BCKDHB: variants seen among roughly 807,000 people sequenced by gnomAD.
The protein encoded by BCKDHB is branched chain keto acid dehydrogenase E1 subunit beta.
BCKDHB carries 41 observed loss-of-function variants against 48.5 expected under a neutral mutation model. The ratio of observed to expected loss-of-function variants is 0.85; its 90% confidence interval spans 0.66 to 1.10. BCKDHB has a LOEUF of 1.10. BCKDHB is among the 50% of genes least tolerant of loss of function. The probability of loss-of-function intolerance (pLI) is 0.00; values close to 1 mark genes in which losing one functional copy is unlikely to be tolerated. For missense variants in BCKDHB, 496 were observed against 494.2 expected, an observed-to-expected ratio of 1.00 and a Z score of -0.03; for synonymous variants, 201 against 174.8, an observed-to-expected ratio of 1.15 and a Z score of -1.18.
intron 3 of BCKDHB, among the ~76,000 whole-genome samples, chr6:80,134,671 G>T (rs1185483739): frequency 6.6e-6 from 1 of 151,858 alleles, no homozygotes; most frequent in Non-Finnish European, 1.5e-5. Flanking sequence ...ATAGCATTTT[G>T]GAACCATGGG....
In BCKDHB at chr6:80,169,028, A is replaced by C. The variant is rs1166850842; in HGVS notation, c.631A>C (p.Lys211Gln). 1 of 1,613,754 alleles carries C rather than the reference A, an allele frequency of 6.2e-7. No individual in the cohort carries two copies. The highest frequency in any genetic ancestry group is 8.5e-7 in the Non-Finnish European group (1 of 1,179,776). The change falls in exon 5 of 10, where the codon AAG (lysine) becomes CAG (glutamine). Residue 211 changes from lysine (K) to glutamine (Q), a missense_variant and splice_region_variant. By Grantham distance (53) the Lys-to-Gln change is moderately conservative. Transcript: ENST00000320393. ...EAFFAHCPGI[K>Q]VVIPRSPFQA... ...ATTTTTTGCCCATTGCCCAGGAATC[A>C]AGGTATGTTCATTTATGTACTTTAT... is the stretch of plus-strand genomic sequence containing the variant.
At chr6:80,454,931 T>C in the BCKDHB span, among the ~76,000 whole-genome samples, 1 of 152,350 alleles carries the variant, frequency 6.6e-6, no homozygotes, top group African/African-American at 2.4e-5. Flanking sequence ...AACACACTAT[T>C]CTGATTCTAA....
At chr6:80,427,787 T>C in the BCKDHB span, among the ~76,000 whole-genome samples, 1 of 152,212 alleles carries the variant, frequency 6.6e-6, no homozygotes, top group Non-Finnish European at 1.5e-5. Flanking sequence ...TACCACTGTG[T>C]TCTGCTTGCC....
chr6:80,239,765 G>T (rs1776302166), intron 8 of BCKDHB, among the ~76,000 whole-genome samples: 1 of 152,100 alleles, frequency 6.6e-6, no homozygotes, highest in African/African-American at 2.4e-5. Flanking sequence ...AATTCCTCTT[G>T]AATTAATTTT....
At chr6:80,368,730 C>T in the BCKDHB span, among the ~76,000 whole-genome samples, 1 of 151,892 alleles carries the variant, frequency 6.6e-6, no homozygotes, top group Non-Finnish European at 1.5e-5. Context: ...AAAATCCAGC[C>T]CTGGGCATGG....
the BCKDHB span, among the ~76,000 whole-genome samples, chr6:80,357,640 G>A: frequency 2.0e-5 from 3 of 152,220 alleles, no homozygotes; most frequent in Non-Finnish European, 4.4e-5. Context: ...TGAAGCTGCT[G>A]AAAAGTGCAG....
At chr6:80,360,800 G>T in the BCKDHB span, among the ~76,000 whole-genome samples, 1 of 151,978 alleles carries the variant, frequency 6.6e-6, no homozygotes. Context: ...GGGGTCAGGA[G>T]TTCGAGACCA....
chr6:80,177,473 G>C (rs1398267487), intron 6 of BCKDHB, among the ~76,000 whole-genome samples: 1 of 152,078 alleles, frequency 6.6e-6, no homozygotes, highest in Non-Finnish European at 1.5e-5. Flanking sequence ...GAGAGATAAA[G>C]AGAAAGGAAA....
chr6:80,423,187 T>G, the BCKDHB span, among the ~76,000 whole-genome samples: 1 of 152,042 alleles, frequency 6.6e-6, no homozygotes, highest in East Asian at 1.9e-4. Flanking sequence ...TTCCCTATGC[T>G]CTCTCTCTCT....
At chr6:80,434,719 A>G in the BCKDHB span, among the ~76,000 whole-genome samples, 1 of 152,154 alleles carries the variant, frequency 6.6e-6, no homozygotes, top group African/African-American at 2.4e-5. Context: ...TTCTGCTCCT[A>G]AGGCAGTACC....
chr6:80,236,883 G>A (rs931643949), intron 8 of BCKDHB, among the ~76,000 whole-genome samples: 6 of 152,156 alleles, frequency 3.9e-5, no homozygotes, highest in Admixed American at 3.3e-4. Context: ...GGAATGTATA[G>A]TTTTCTAAGG....
chr6:80,323,540 T>G (rs1768859283), intron 9 of BCKDHB, among the ~76,000 whole-genome samples: 1 of 152,212 alleles, frequency 6.6e-6, no homozygotes, highest in African/African-American at 2.4e-5. Flanking sequence ...CAATTCAAAC[T>G]GTTCTACAGT....
chr6:80,203,402 A>G (rs1244512626), intron 8 of BCKDHB, among the ~76,000 whole-genome samples, 190 bp downstream of exon 8: 1 of 152,098 alleles, frequency 6.6e-6, no homozygotes, highest in Non-Finnish European at 1.5e-5. Context: ...ATCACTATAG[A>G]ATTTATTTTT....
chr6:80,320,761 C>G (rs1768676257), intron 9 of BCKDHB, among the ~76,000 whole-genome samples: 1 of 152,068 alleles, frequency 6.6e-6, no homozygotes, highest in Non-Finnish European at 1.5e-5. Flanking sequence ...TAAAAATTAT[C>G]AACATTTGGT....
intron 9 of BCKDHB, among the ~76,000 whole-genome samples, chr6:80,304,125 G>C (rs1293306105): frequency 6.6e-6 from 1 of 152,048 alleles, no homozygotes; most frequent in Non-Finnish European, 1.5e-5. Context: ...AATACTTTAT[G>C]CTTGTGAAAA....
intron 3 of BCKDHB, among the ~76,000 whole-genome samples, chr6:80,151,057 CA>C (rs1562090053): frequency 6.6e-6 from 1 of 152,130 alleles, no homozygotes; most frequent in African/African-American, 2.4e-5. Flanking sequence ...CATGAATTCA[CA>C]TGTATTTTAC....
At chr6:80,209,640 T>C (rs1774827872) in intron 8 of BCKDHB, among the ~76,000 whole-genome samples, 1 of 151,958 alleles carries the variant, frequency 6.6e-6, no homozygotes, top group South Asian at 2.1e-4. Context: ...AAAATAATTA[T>C]ATTAACTCTT....
intron 9 of BCKDHB, among the ~76,000 whole-genome samples, chr6:80,300,953 T>C (rs574999433): frequency 6.6e-5 from 10 of 152,156 alleles, no homozygotes; most frequent in South Asian, 6.2e-4. Flanking sequence ...TGGGTGAACA[T>C]AGAAATTGTC....
chr6:80,406,326 T>C, the BCKDHB span, among the ~76,000 whole-genome samples: 1 of 152,226 alleles, frequency 6.6e-6, no homozygotes, highest in Non-Finnish European at 1.5e-5. Flanking sequence ...TTTATAATCC[T>C]TTGGGTATAT....
Sources: gnomAD v4.1 joint callset for allele counts (sites outside exome capture counted in the v4.1 genomes callset) on GRCh38, gnomAD v4.1.1 for gene constraint, MANE v1.5 for transcripts, NCBI Gene and HGNC (gene_info 2026-07-23, HGNC 2026-07-21) for gene names.